Variants in SLC36A1 observed in about 807,000 individuals in gnomAD.
SLC36A1 encodes proton-coupled amino acid transporter 1.
In SLC36A1, 30 loss-of-function variants were observed where a neutral mutation model predicts 47.5. The ratio of observed to expected loss-of-function variants is 0.63; its 90% CI spans 0.47 to 0.86. SLC36A1 has a LOEUF of 0.86. Among genes scored for constraint, SLC36A1 ranks in the 40% least tolerant of loss-of-function variants. The pLI is 0.00. For missense variants in SLC36A1, 517 were observed against 606.0 expected, an observed-to-expected ratio of 0.85 and a Z score of 1.54; for synonymous variants, 255 against 249.7, an observed-to-expected ratio of 1.02 and a Z score of -0.20.
upstream of SLC36A1, among the ~76,000 whole-genome samples, chr5:151,435,109 C>T (rs961021308): frequency 1.1e-4 from 17 of 152,166 alleles, no homozygotes; most frequent in Non-Finnish European, 2.1e-4. Context: ...AAAGGACACA[C>T]GTATCTGGAC....
the SLC36A1 span, chr5:151,549,257 C>T: frequency 3.4e-4 from 548 of 1,593,396 alleles, no homozygotes; most frequent in Non-Finnish European, 4.5e-4. Flanking sequence ...TCTAAAGCAT[C>T]TTGACCCATC....
the SLC36A1 span, among the ~76,000 whole-genome samples, chr5:151,372,460 T>A: frequency 2.0e-5 from 3 of 151,932 alleles, no homozygotes; most frequent in Non-Finnish European, 4.4e-5. Context: ...TTTTTTTTTT[T>A]AGAAACAAGG....
At chr5:151,399,705 A>T in the SLC36A1 span, among the ~76,000 whole-genome samples, 1 of 152,322 alleles carries the variant, frequency 6.6e-6, no homozygotes, top group Middle Eastern at 3.4e-3. Flanking sequence ...TGTCATACAG[A>T]GATTTTCAGT....
chr5:151,365,426 A>G, the SLC36A1 span, among the ~76,000 whole-genome samples: 4 of 152,306 alleles, frequency 2.6e-5, no homozygotes, highest in Non-Finnish European at 5.9e-5. Flanking sequence ...TGGCCAGTTC[A>G]GGGGGCAACA....
the SLC36A1 span, chr5:151,544,427 C>T: frequency 1.2e-6 from 2 of 1,614,096 alleles, no homozygotes; most frequent in East Asian, 2.2e-5. Flanking sequence ...GTCTTGGACT[C>T]ATAGTCCAAA....
At chr5:151,551,735 G>A in the SLC36A1 span, 2 of 859,888 alleles carry the variant, frequency 2.3e-6, no homozygotes, top group Non-Finnish European at 3.4e-6. Flanking sequence ...TGAGTGACAG[G>A]TTGTAGTTTA....
At chr5:151,527,939 G>A in the SLC36A1 span, 3 of 1,585,214 alleles carry the variant, frequency 1.9e-6, no homozygotes, top group Non-Finnish European at 2.6e-6. Flanking sequence ...TGGACCTGCA[G>A]TGGGACTGTG....
the SLC36A1 span, among the ~76,000 whole-genome samples, chr5:151,409,574 TG>T: frequency 6.6e-6 from 1 of 152,184 alleles, no homozygotes; most frequent in Non-Finnish European, 1.5e-5. Context: ...TGACTCAAAA[TG>T]TGGGCTATGA....
upstream of SLC36A1, among the ~76,000 whole-genome samples, chr5:151,444,393 AATTG>A (rs2127443026): frequency 6.6e-6 from 1 of 152,212 alleles, no homozygotes; most frequent in African/African-American, 2.4e-5. Context: ...TCCTTGGTTA[AATTG>A]ATTATTGAGT....
chr5:151,358,073 C>T, the SLC36A1 span, among the ~76,000 whole-genome samples: 3 of 152,156 alleles, frequency 2.0e-5, no homozygotes, highest in Non-Finnish European at 2.9e-5. Flanking sequence ...TATTTGACCA[C>T]GGTCTGCTCA....
the SLC36A1 span, among the ~76,000 whole-genome samples, chr5:151,549,932 G>C: frequency 3.3e-5 from 5 of 152,294 alleles, no homozygotes; most frequent in African/African-American, 1.2e-4. Context: ...CGTATTATAT[G>C]CCCAGAGGAT....
rs144964979 is a variant in SLC36A1, at chr5:151,461,734, G to A, written c.144-1819G>A. Among the ~76,000 whole-genome samples the A allele has an allele frequency of 7.9e-3, 1,201 of 152,254 alleles. 7 individuals are homozygous for A. The highest frequency in any genetic ancestry group is 0.024 in the Middle Eastern group (7 of 292). ...ACTAGTTGTCGTTGTATTTTTCACT[G>A]CCACACATGCGCAAAGAAAAAAGCC... On this transcript the variant is annotated intron_variant, in intron 2 of 10. Coordinates refer to ENST00000243389, the MANE Select transcript of SLC36A1 (RefSeq NM_078483.4).
the SLC36A1 span, chr5:151,412,849 A>T: frequency 1.4e-5 from 2 of 144,048 alleles, 1 homozygote; most frequent in African/African-American, 5.0e-5. Flanking sequence ...CCTTAAAAGC[A>T]CCAGCATCTG....
At chr5:151,486,227 T>G (rs1047254083) in intron 10 of SLC36A1, among the ~76,000 whole-genome samples, 1 of 151,694 alleles carries the variant, frequency 6.6e-6, no homozygotes, top group Non-Finnish European at 1.5e-5. Context: ...AGAAGGGAGG[T>G]ACCAGGCTCT....
the SLC36A1 span, among the ~76,000 whole-genome samples, chr5:151,531,055 A>C: frequency 2.4e-3 from 361 of 152,224 alleles, 4 homozygotes; most frequent in Non-Finnish European, 4.2e-3. The surrounding 1 kb of genome is among the most constrained non-coding windows in gnomAD (Gnocchi z 5.7). Context: ...GTTTCTGTGA[A>C]CCTGACTTTG....
chr5:151,363,037 A>G, the SLC36A1 span, among the ~76,000 whole-genome samples: 4 of 150,944 alleles, frequency 2.6e-5, no homozygotes, highest in Non-Finnish European at 5.9e-5. Context: ...TATTTATTTC[A>G]GTCTTCTCTG....
At chr5:151,518,924 C>T in the SLC36A1 span, among the ~76,000 whole-genome samples, 5 of 152,154 alleles carry the variant, frequency 3.3e-5, no homozygotes, top group Non-Finnish European at 5.9e-5. Flanking sequence ...TGTCAGTTGT[C>T]AGGGGAGAGG....
At chr5:151,417,798 A>G in the SLC36A1 span, among the ~76,000 whole-genome samples, 1 of 152,266 alleles carries the variant, frequency 6.6e-6, no homozygotes, top group Non-Finnish European at 1.5e-5. Flanking sequence ...AGAAATTTGC[A>G]TAAGCAATAA....
At chr5:151,554,550 C>G in the SLC36A1 span, 1 of 1,614,208 alleles carries the variant, frequency 6.2e-7, no homozygotes. Context: ...CTCAGCCTCT[C>G]TGGAAGGCGG....
Sources: allele counts gnomAD v4.1 joint callset (sites outside exome capture counted in the v4.1 genomes callset), GRCh38; gene constraint gnomAD v4.1.1; non-coding constraint Gnocchi (gnomAD v3.1); transcripts MANE v1.5; gene names NCBI Gene and HGNC (gene_info 2026-07-23, HGNC 2026-07-21).